ASTN2: variants seen among roughly 807,000 people sequenced by gnomAD.
ASTN2 encodes astrotactin-2.
A neutral mutation model predicts 139.8 loss-of-function variants in ASTN2; 54 were observed. That is an observed-to-expected ratio of 0.39 (90% CI 0.31 to 0.48). The LOEUF (loss-of-function observed/expected upper bound fraction) is 0.48, where lower values mean the gene tolerates loss of function less well. Among genes scored for constraint, ASTN2 ranks in the 20% least tolerant of loss-of-function variants. ASTN2 has a pLI of 0.95. For missense variants in ASTN2, 1,565 were observed against 1,725.1 expected (o/e 0.91, Z 1.64); for synonymous variants, 756 against 719.5 (o/e 1.05, Z -0.81).
chr9:116,772,757 T>C (rs1191434157), intron 13 of ASTN2, among the ~76,000 whole-genome samples: 6 of 152,160 alleles, frequency 3.9e-5, no homozygotes, highest in African/African-American at 9.7e-5. Flanking sequence ...ACCAGAGCCA[T>C]GTAATTTGGG....
intron 3 of ASTN2, among the ~76,000 whole-genome samples, chr9:117,171,414 AC>A (rs1197745171): frequency 2.0e-5 from 3 of 152,192 alleles, no homozygotes; most frequent in Non-Finnish European, 4.4e-5. Context: ...TAATAACAGT[AC>A]TTTTCTCAAA....
In ASTN2 at chr9:116,967,747, C is replaced by T. The variant is rs573225667; in HGVS notation, c.1889+7461G>A. The stretch of plus-strand genomic sequence containing the variant: ...GGGCCTTCCCCCCATACTCTGCTGC[C>T]GGGATCCTTCTCAAGCCAAGTGCCC... On this transcript the variant is annotated intron_variant, in intron 10 of 22. Transcript: ENST00000313400. Among the ~76,000 whole-genome samples the T allele has an allele frequency of 1.1e-4, 17 of 152,274 alleles. No individual in the cohort carries two copies. The South Asian group carries it at 1.4e-3, about 13-fold the overall frequency.
At chr9:116,530,106 T>G (rs1851262745) in intron 19 of ASTN2, among the ~76,000 whole-genome samples, 2 of 24,770 alleles carry the variant, frequency 8.1e-5, no homozygotes, top group African/African-American at 2.2e-4. Context: ...TATATATATA[T>G]ATATATATAT....
intron 2 of ASTN2, among the ~76,000 whole-genome samples, chr9:117,287,042 G>A (rs1831573278): frequency 6.6e-6 from 1 of 151,994 alleles, no homozygotes; most frequent in Non-Finnish European, 1.5e-5. Context: ...GTAAATGAAG[G>A]GCAACAACAT....
intron 2 of ASTN2, among the ~76,000 whole-genome samples, chr9:117,261,511 C>T (rs1302767532): frequency 2.0e-5 from 3 of 152,152 alleles, no homozygotes; most frequent in Non-Finnish European, 4.4e-5. Context: ...GCAAATGTTT[C>T]TTCAATAAAT....
chr9:116,821,870 A>G (rs936340625), intron 11 of ASTN2, among the ~76,000 whole-genome samples: 7 of 152,022 alleles, frequency 4.6e-5, no homozygotes, highest in African/African-American at 1.7e-4. Flanking sequence ...TATTGATTAA[A>G]TTTAGTTTTC....
intron 20 of ASTN2, among the ~76,000 whole-genome samples, chr9:116,464,073 C>G (rs574192823): frequency 1.1e-4 from 17 of 152,060 alleles, no homozygotes; most frequent in African/African-American, 3.9e-4. Context: ...TAGCCAGAAT[C>G]TGACACATAG....
At chr9:116,540,492 G>A (rs1033815518) in intron 19 of ASTN2, 2 of 152,164 alleles carry the variant, frequency 1.3e-5, no homozygotes, top group African/African-American at 4.8e-5. Flanking sequence ...AGGAAACTTC[G>A]GGCCTGTGGT....
intron 10 of ASTN2, among the ~76,000 whole-genome samples, chr9:116,924,388 C>T (rs1295538319): frequency 6.8e-6 from 1 of 146,270 alleles, no homozygotes; most frequent in Non-Finnish European, 1.5e-5. Context: ...AGAGATTGCA[C>T]CACTGAACTC....
intron 13 of ASTN2, among the ~76,000 whole-genome samples, chr9:116,790,967 GA>G (rs1564268847): frequency 0.046 from 801 of 17,276 alleles, 22 homozygotes; most frequent in African/African-American, 0.11. Context: ...AAGAAAGAAG[GA>G]AAGAAAGAAA....
At chr9:117,016,623 T>TATATATATATAAC (rs1491376132) in intron 6 of ASTN2, among the ~76,000 whole-genome samples, 15 of 4,868 alleles carry the variant, frequency 3.1e-3, no homozygotes, top group East Asian at 0.03. Context: ...TATCTATCTA[T>TATATATATATAAC]CTATATATAT....
At chr9:116,447,236 T>C (rs1187698359) in intron 20 of ASTN2, among the ~76,000 whole-genome samples, 1 of 152,190 alleles carries the variant, frequency 6.6e-6, no homozygotes, top group Non-Finnish European at 1.5e-5. Flanking sequence ...TTACCTCCTC[T>C]GGAAAGTCTG....
chr9:116,883,801 A>T (rs1406974386), intron 10 of ASTN2, among the ~76,000 whole-genome samples: 1 of 152,222 alleles, frequency 6.6e-6, no homozygotes, highest in East Asian at 1.9e-4. Flanking sequence ...AGACAGAGCA[A>T]TGGCATAAAT....
At chr9:116,853,898 C>T (rs1214182880) in intron 11 of ASTN2, among the ~76,000 whole-genome samples, 11 of 152,092 alleles carry the variant, frequency 7.2e-5, no homozygotes, top group African/African-American at 2.2e-4. Context: ...CAGAGCAGCA[C>T]GGTTTATAAT....
chr9:116,580,221 A>G (rs1027671821), intron 19 of ASTN2, among the ~76,000 whole-genome samples: 1 of 152,248 alleles, frequency 6.6e-6, no homozygotes, highest in East Asian at 1.9e-4. Context: ...ACACTGGATT[A>G]GTTCTCAGAG....
intron 19 of ASTN2, among the ~76,000 whole-genome samples, chr9:116,526,088 A>G (rs1354021397): frequency 1.3e-5 from 2 of 151,756 alleles, no homozygotes; most frequent in Admixed American, 1.3e-4. Context: ...GTTATCCAAA[A>G]CCTCCTCACA....
chr9:117,125,831 G>GTGTT (rs1554780985), intron 4 of ASTN2, among the ~76,000 whole-genome samples: 1 of 151,358 alleles, frequency 6.6e-6, no homozygotes, highest in Non-Finnish European at 1.5e-5. Flanking sequence ...CATTGCGGCG[G>GTGTT]GGGGGGGAAT....
At chr9:117,367,821 T>A (rs1274810373) in intron 1 of ASTN2, among the ~76,000 whole-genome samples, 1 of 152,154 alleles carries the variant, frequency 6.6e-6, no homozygotes, top group East Asian at 1.9e-4. Context: ...ATTTTTAGCT[T>A]CAGTTAGAAT....
At chr9:117,274,120 G>T (rs758360594) in intron 2 of ASTN2, among the ~76,000 whole-genome samples, 1 of 152,136 alleles carries the variant, frequency 6.6e-6, no homozygotes, top group Non-Finnish European at 1.5e-5. Flanking sequence ...GGAGGCCAAG[G>T]CAGATGGATC....
Sources: allele counts gnomAD v4.1 joint callset (sites outside exome capture counted in the v4.1 genomes callset), GRCh38; gene constraint gnomAD v4.1.1; transcripts MANE v1.5; gene names NCBI Gene and HGNC (gene_info 2026-07-23, HGNC 2026-07-21).